The following PRPF6 variants were observed in gnomAD, a reference collection of about 807,000 sequenced individuals.
The protein encoded by PRPF6 is pre-mRNA processing factor 6, also known as pre-mRNA-processing factor 6.
PRPF6 carries 42 observed loss-of-function variants against 118.3 expected under a neutral mutation model. The ratio of observed to expected loss-of-function variants is 0.35; its 90% CI spans 0.28 to 0.46. PRPF6 has a LOEUF of 0.46. PRPF6 is among the 20% of genes least tolerant of loss of function. The probability of loss-of-function intolerance (pLI) is 1.00; values close to 1 mark genes in which losing one functional copy is unlikely to be tolerated. For missense variants in PRPF6, 662 were observed against 1,255.7 expected (o/e 0.53, Z 7.15); for synonymous variants, 481 against 485.1 (o/e 0.99, Z 0.11).
intron 9 of PRPF6, among the ~76,000 whole-genome samples, chr20:64,003,195 A>G (rs1029098786): frequency 6.6e-6 from 1 of 152,008 alleles, no homozygotes; most frequent in Non-Finnish European, 1.5e-5. Flanking sequence ...TCCTGCCTTG[A>G]TCTCCCAGAG....
intron 3 of PRPF6, among the ~76,000 whole-genome samples, chr20:63,988,567 G>A (rs971156179): frequency 6.6e-6 from 1 of 151,824 alleles, no homozygotes; most frequent in Non-Finnish European, 1.5e-5. Context: ...CAAAATACTG[G>A]GGACATTATT....
At chr20:64,031,178 C>T (rs1037923023) in intron 19 of PRPF6, among the ~76,000 whole-genome samples, 1 of 152,266 alleles carries the variant, frequency 6.6e-6, no homozygotes, top group African/African-American at 2.4e-5. Context: ...GCCTGGAGCC[C>T]ATCTTCTCAG....
Position 63,990,899 on chromosome 20 carries a change from C to T in PRPF6, c.360-2508C>T, listed in dbSNP as rs570230055. Reference sequence around the variant, plus strand: ...TTGAACTCCTGCCCTTGTGATCTGCCTGCCTTGGCCTCCCAAGGTGCTGGG... The same window carrying T: ...TTGAACTCCTGCCCTTGTGATCTGCTTGCCTTGGCCTCCCAAGGTGCTGGG... On this transcript the variant is annotated intron_variant, in intron 3 of 20. Coordinates refer to ENST00000266079, the MANE Select transcript of PRPF6 (RefSeq NM_012469.4). Among the ~76,000 whole-genome samples, 42 of 151,860 alleles carry T rather than the reference C, an allele frequency of 2.8e-4. 2 individuals carry two copies. In the South Asian group the frequency reaches 8.7e-3, roughly 32 times the overall value.
At chr20:63,998,852 A>C (rs989083709) in intron 6 of PRPF6, among the ~76,000 whole-genome samples, 193 bp from the exon 7 acceptor site, 11 of 152,128 alleles carry the variant, frequency 7.2e-5, no homozygotes. Flanking sequence ...AAAAAAAAAA[A>C]AAAAATAGAT....
Position 64,027,540 on chromosome 20 carries a change from C to T in PRPF6, c.2206-63C>T, listed in dbSNP as rs1461530857. 1 of 1,610,106 alleles carries T rather than the reference C, an allele frequency of 6.2e-7. No homozygotes were observed. Among genetic ancestry groups the T allele is most frequent in the Non-Finnish European group, 8.5e-7 (1 of 1,176,642 alleles). On this transcript the variant is annotated intron_variant, in intron 16 of 20. Coordinates refer to ENST00000266079, the MANE Select transcript of PRPF6 (RefSeq NM_012469.4). The surrounding 1 kb of genome is among the most constrained non-coding windows in gnomAD (Gnocchi z 6.5). ...CACCCACTGCAGATGAGAAGCTGGG[C>T]ATGGCTGTGTCCCAGTTCTTCATAG...
chr20:63,993,904 C>T (rs2059130053), intron 4 of PRPF6, among the ~76,000 whole-genome samples: 1 of 151,792 alleles, frequency 6.6e-6, no homozygotes, highest in Non-Finnish European at 1.5e-5. Flanking sequence ...TGCCTGCCAC[C>T]ATACCCAGCT....
At chr20:63,984,126 A>T (rs2059083387) in intron 2 of PRPF6, among the ~76,000 whole-genome samples, 1 of 152,164 alleles carries the variant, frequency 6.6e-6, no homozygotes, top group Non-Finnish European at 1.5e-5. Context: ...TTTAAAAATA[A>T]TTTTAGTTTT....
intron 12 of PRPF6, 36 bp from the exon 13 acceptor site, chr20:64,022,721 C>G: frequency 6.2e-7 from 1 of 1,613,680 alleles, no homozygotes; most frequent in South Asian, 1.1e-5. Flanking sequence ...GTGGCCAGTG[C>G]TGGGCTGCCC....
chr20:63,986,522 T>C (rs1352509809), intron 3 of PRPF6, among the ~76,000 whole-genome samples: 3 of 143,708 alleles, frequency 2.1e-5, no homozygotes, highest in African/African-American at 7.8e-5. Flanking sequence ...GGAGTCTCGC[T>C]CTGTTGCCCA....
intron 1 of PRPF6, among the ~76,000 whole-genome samples, chr20:63,981,643 T>TCCCCCCCCCCCCCCCCC (rs11295538): frequency 1.6e-5 from 2 of 124,338 alleles, no homozygotes; most frequent in Non-Finnish European, 1.7e-5. Context: ...GGGCTGACAC[T>TCCCCCCCCCCCCCCCCC]CCCCCCCCCC....
At chr20:64,007,834 G>A (rs913287065) in intron 9 of PRPF6, among the ~76,000 whole-genome samples, 1 of 152,062 alleles carries the variant, frequency 6.6e-6, no homozygotes, top group Non-Finnish European at 1.5e-5. Flanking sequence ...CTAGAGTGCA[G>A]TGTCACAGTC....
intron 12 of PRPF6, among the ~76,000 whole-genome samples, chr20:64,019,376 G>A (rs2059253241): frequency 6.6e-6 from 1 of 152,184 alleles, no homozygotes; most frequent in African/African-American, 2.4e-5. Flanking sequence ...CAGAGCCACT[G>A]CTCCTGGCCT....
At chr20:64,010,618 G>T (rs2123051926) in intron 10 of PRPF6, among the ~76,000 whole-genome samples, 2 of 152,320 alleles carry the variant, frequency 1.3e-5, no homozygotes, top group Admixed American at 1.3e-4. Flanking sequence ...CCTCTCAGCA[G>T]CCCAGAGTTT....
At chr20:64,003,887 C>G (rs147040428) in intron 9 of PRPF6, among the ~76,000 whole-genome samples, 10 of 152,128 alleles carry the variant, frequency 6.6e-5, no homozygotes, top group Non-Finnish European at 1.5e-4. Flanking sequence ...CGTGAGCCAC[C>G]GCGCCCGGCC....
chr20:64,021,615 G>T (rs903701325), intron 12 of PRPF6, among the ~76,000 whole-genome samples: 1 of 146,842 alleles, frequency 6.8e-6, no homozygotes, highest in African/African-American at 2.6e-5. Flanking sequence ...CCATGTCTGT[G>T]TGTGCGTGTG....
chr20:63,982,725 C>G (rs915625367), intron 1 of PRPF6, among the ~76,000 whole-genome samples: 6 of 152,060 alleles, frequency 3.9e-5, no homozygotes, highest in Admixed American at 3.9e-4. Context: ...CTGAAACCCC[C>G]CAGAGCAGCT....
chr20:63,984,587 C>G (rs1045218928), intron 2 of PRPF6, among the ~76,000 whole-genome samples: 2 of 152,150 alleles, frequency 1.3e-5, no homozygotes, highest in African/African-American at 4.8e-5. Flanking sequence ...TGACACAGTA[C>G]TATTAACTAA....
intron 3 of PRPF6, 35 bp from the exon 4 acceptor site, chr20:63,993,372 C>T (rs1374118160): frequency 1.3e-6 from 2 of 1,512,406 alleles, no homozygotes; most frequent in African/African-American, 1.4e-5. Flanking sequence ...AACAGACATG[C>T]AGTGTTTCTG....
At chr20:64,023,198 C>G (rs966487655) in intron 13 of PRPF6, among the ~76,000 whole-genome samples, 2 of 152,218 alleles carry the variant, frequency 1.3e-5, no homozygotes, top group Non-Finnish European at 2.9e-5. Flanking sequence ...GGCCCATGGC[C>G]GAGCACTGGC....
Sources: gnomAD v4.1 joint callset for allele counts (sites outside exome capture counted in the v4.1 genomes callset) on GRCh38, gnomAD v4.1.1 for gene constraint, Gnocchi (gnomAD v3.1) non-coding constraint, MANE v1.5 for transcripts, NCBI Gene and HGNC (gene_info 2026-07-23, HGNC 2026-07-21) for gene names.